The following CFAP299 variants were observed in gnomAD, a reference collection of about 807,000 sequenced individuals.
CFAP299 encodes cilia- and flagella-associated protein 299.
CFAP299 carries 21 observed loss-of-function variants against 27.0 expected under a neutral mutation model. That is an observed-to-expected ratio of 0.78 (90% CI 0.55 to 1.12). The LOEUF is 1.12. Ranked by LOEUF, CFAP299 falls within the 50% of genes most tolerant of loss-of-function variation. The probability of loss-of-function intolerance (pLI) is 0.00; values close to 1 mark genes in which losing one functional copy is unlikely to be tolerated. For synonymous variants in CFAP299, 104 were observed against 98.1 expected (o/e 1.06, Z -0.36); for missense variants, 310 against 276.6 (o/e 1.12, Z -0.86).
At chr4:80,747,614 C>T (rs1724696873) in intron 3 of CFAP299, among the ~76,000 whole-genome samples, 1 of 151,964 alleles carries the variant, frequency 6.6e-6, no homozygotes, top group African/African-American at 2.4e-5. Flanking sequence ...TTGTGATTCT[C>T]CATAATGTCT....
chr4:80,460,514 A>C (rs1299503579), intron 2 of CFAP299, among the ~76,000 whole-genome samples: 1 of 152,158 alleles, frequency 6.6e-6, no homozygotes, highest in African/African-American at 2.4e-5. Context: ...GACAGCACCC[A>C]AAATGTTCAT....
intron 3 of CFAP299, among the ~76,000 whole-genome samples, chr4:80,858,876 T>C (rs1468658399): frequency 6.6e-6 from 1 of 152,058 alleles, no homozygotes; most frequent in Non-Finnish European, 1.5e-5. Context: ...TGAAAAAAAA[T>C]GTATATTCTG....
chr4:80,686,188 C>A (rs1471329629), intron 3 of CFAP299, among the ~76,000 whole-genome samples: 2 of 152,072 alleles, frequency 1.3e-5, no homozygotes, highest in African/African-American at 4.8e-5. Context: ...TAGATTGTTA[C>A]CCTAATAGTG....
chr4:80,622,293 A>G (rs1019144224), intron 3 of CFAP299, among the ~76,000 whole-genome samples: 3 of 152,170 alleles, frequency 2.0e-5, no homozygotes, highest in Non-Finnish European at 4.4e-5. Context: ...CATAAATGCA[A>G]CAGTCTAGAG....
At chr4:80,673,224 G>A (rs912111823) in intron 3 of CFAP299, among the ~76,000 whole-genome samples, 1 of 152,050 alleles carries the variant, frequency 6.6e-6, no homozygotes, top group East Asian at 1.9e-4. Flanking sequence ...TGTTCTCATT[G>A]GTTTCAAATA....
At chr4:80,902,098 T>C (rs1734930012) in intron 4 of CFAP299, among the ~76,000 whole-genome samples, 2 of 151,982 alleles carry the variant, frequency 1.3e-5, no homozygotes, top group South Asian at 4.1e-4. Flanking sequence ...TCAGGTGCCT[T>C]CCTCTTTCTC....
intron 3 of CFAP299, among the ~76,000 whole-genome samples, chr4:80,732,485 C>A (rs960009552): frequency 2.0e-5 from 3 of 152,130 alleles, no homozygotes; most frequent in African/African-American, 7.2e-5. Flanking sequence ...AAAACAGCAA[C>A]TGGAGAGAAA....
rs182437179 is a variant in CFAP299 at position 80,339,537 on chromosome 4, C to A, written c.111+3658C>A. On this transcript the variant is annotated intron_variant, in intron 1 of 5. Transcript: ENST00000358105. Reference sequence around the variant, plus strand: ...GATAAGCTAGAGAGGAGTAAGGTGGCTCAGAAGAATAAAAGAAGCACTTTA... The same window carrying A: ...GATAAGCTAGAGAGGAGTAAGGTGGATCAGAAGAATAAAAGAAGCACTTTA... 1.4e-3 allele frequency among the ~76,000 whole-genome samples: 215 copies of A among 152,254 alleles called. 1 individual carries two copies. In the South Asian group the frequency reaches 0.026, roughly 19 times the overall value.
chr4:80,666,969 A>T (rs140545304), intron 3 of CFAP299, among the ~76,000 whole-genome samples: 1 of 152,276 alleles, frequency 6.6e-6, no homozygotes, highest in African/African-American at 2.4e-5. Context: ...TCCAAACTTG[A>T]TGCTTTTGTT....
upstream of CFAP299, among the ~76,000 whole-genome samples, chr4:80,331,820 C>A (rs1183326348): frequency 6.6e-6 from 1 of 152,080 alleles, no homozygotes; most frequent in Non-Finnish European, 1.5e-5. Flanking sequence ...ATAGAGGAAC[C>A]ATATGCATGT....
intron 2 of CFAP299, among the ~76,000 whole-genome samples, chr4:80,452,074 A>T (rs186479442): frequency 1.5e-4 from 23 of 152,326 alleles, no homozygotes; most frequent in Admixed American, 1.4e-3. Context: ...GCTACAGTAG[A>T]TCTTCACCCC....
At chr4:80,883,854 G>A (rs1209977224) in intron 4 of CFAP299, among the ~76,000 whole-genome samples, 1 of 152,068 alleles carries the variant, frequency 6.6e-6, no homozygotes, top group Non-Finnish European at 1.5e-5. Flanking sequence ...TTGTTTGTTT[G>A]TTTGTTTGTT....
At chr4:80,640,196 C>A (rs1183559637) in intron 3 of CFAP299, among the ~76,000 whole-genome samples, 1 of 152,110 alleles carries the variant, frequency 6.6e-6, no homozygotes, top group African/African-American at 2.4e-5. Context: ...GGTGTGACTG[C>A]CCAGGAGTTA....
intron 3 of CFAP299, among the ~76,000 whole-genome samples, chr4:80,638,771 T>C (rs1739580429): frequency 6.6e-6 from 1 of 152,204 alleles, no homozygotes; most frequent in Admixed American, 6.5e-5. Flanking sequence ...CTGCAGTCAC[T>C]CTTAGGTTCA....
chr4:80,958,414 T>C (rs1408538282), intron 5 of CFAP299, among the ~76,000 whole-genome samples: 1 of 152,148 alleles, frequency 6.6e-6, no homozygotes, highest in Non-Finnish European at 1.5e-5. Context: ...ACTGAACTGA[T>C]GCAGATCACT....
intron 3 of CFAP299, among the ~76,000 whole-genome samples, chr4:80,804,217 A>G (rs1728751459): frequency 6.6e-6 from 1 of 152,272 alleles, no homozygotes; most frequent in Admixed American, 6.5e-5. Context: ...AACCATCACC[A>G]TCCATCTACG....
At chr4:80,399,776 A>C (rs952671497) in intron 2 of CFAP299, among the ~76,000 whole-genome samples, 1 of 152,128 alleles carries the variant, frequency 6.6e-6, no homozygotes, top group Admixed American at 6.5e-5. Flanking sequence ...CCAACATGAC[A>C]TATGTATACA....
intron 3 of CFAP299, among the ~76,000 whole-genome samples, chr4:80,859,148 C>A (rs1381003631): frequency 1.3e-5 from 2 of 152,108 alleles, no homozygotes; most frequent in Non-Finnish European, 2.9e-5. Flanking sequence ...TGAATTGATC[C>A]CTTTCCCATT....
chr4:80,572,507 G>GTTTTTTTTTTTTTT, intron 2 of CFAP299, among the ~76,000 whole-genome samples: 903 of 36,390 alleles, frequency 0.025, 330 homozygotes, highest in Non-Finnish European at 0.033. Context: ...CTGGATCCCA[G>GTTTTTTTTTTTTTT]TTTTTTTTTT....
Sources: allele counts gnomAD v4.1 joint callset (sites outside exome capture counted in the v4.1 genomes callset), GRCh38; gene constraint gnomAD v4.1.1; transcripts MANE v1.5; gene names NCBI Gene and HGNC (gene_info 2026-07-23, HGNC 2026-07-21).